The following SORCS3 variants were observed in gnomAD, a reference collection of about 807,000 sequenced individuals.
The protein encoded by SORCS3 is sortilin related VPS10 domain containing receptor 3.
A neutral mutation model predicts 146.3 loss-of-function variants in SORCS3; 57 were observed. The ratio of observed to expected loss-of-function variants is 0.39; its 90% CI spans 0.31 to 0.49. The LOEUF is 0.49. SORCS3 is among the 20% of genes least tolerant of loss of function. The pLI is 0.92. For missense variants in SORCS3, 1,341 were observed against 1,575.5 expected (o/e 0.85, Z 2.52); for synonymous variants, 653 against 618.5 (o/e 1.06, Z -0.83).
chr10:104,955,492 T>A (rs1272620176), intron 3 of SORCS3, among the ~76,000 whole-genome samples: 4 of 152,244 alleles, frequency 2.6e-5, no homozygotes, highest in Admixed American at 6.5e-5. Context: ...GGCATGCACA[T>A]ATATTTGTTT....
intron 2 of SORCS3, among the ~76,000 whole-genome samples, chr10:104,854,936 G>A (rs11816844): frequency 0.052 from 7,927 of 152,140 alleles, 630 homozygotes; most frequent in African/African-American, 0.17. Context: ...ATGAATGTAC[G>A]TCAATTTGTT....
chr10:104,875,910 T>C (rs1158249805), intron 2 of SORCS3, among the ~76,000 whole-genome samples: 1 of 152,160 alleles, frequency 6.6e-6, no homozygotes, highest in African/African-American at 2.4e-5. Flanking sequence ...AATAGCTAAA[T>C]AGACTCACAT....
At chr10:104,921,024 G>T (rs1450683556) in intron 3 of SORCS3, among the ~76,000 whole-genome samples, 3 of 152,218 alleles carry the variant, frequency 2.0e-5, no homozygotes, top group African/African-American at 7.2e-5. Flanking sequence ...ACTTGAAGAT[G>T]AGGAATAGTA....
At chr10:104,734,974 CT>C (rs1293453358) in intron 1 of SORCS3, among the ~76,000 whole-genome samples, 1 of 152,092 alleles carries the variant, frequency 6.6e-6, no homozygotes, top group African/African-American at 2.4e-5. Flanking sequence ...TTAGGTATCT[CT>C]TTTTTTAAAA....
At chr10:105,219,742 G>A (rs972137223) in intron 19 of SORCS3, among the ~76,000 whole-genome samples, 2 of 152,184 alleles carry the variant, frequency 1.3e-5, no homozygotes, top group African/African-American at 4.8e-5. Context: ...AGACAAAGAA[G>A]GAAAATGAAC....
At chr10:105,230,646 C>T (rs1360443531) in intron 20 of SORCS3, among the ~76,000 whole-genome samples, 2 of 152,174 alleles carry the variant, frequency 1.3e-5, no homozygotes, top group Admixed American at 6.5e-5. Context: ...AATAAATGCA[C>T]AGTGGCTCTG....
intron 1 of SORCS3, among the ~76,000 whole-genome samples, chr10:104,653,418 T>C (rs2015586798): frequency 6.6e-6 from 1 of 152,232 alleles, no homozygotes; most frequent in Non-Finnish European, 1.5e-5. Context: ...TTTATTTTAC[T>C]CTTGGATTAG....
chr10:104,846,323 T>C (rs559658148), intron 2 of SORCS3, among the ~76,000 whole-genome samples: 1 of 152,332 alleles, frequency 6.6e-6, no homozygotes, highest in East Asian at 1.9e-4. Context: ...GATAATGATG[T>C]ATTTTATAGT....
At chr10:104,928,268 C>T (rs927281628) in intron 3 of SORCS3, among the ~76,000 whole-genome samples, 3 of 152,136 alleles carry the variant, frequency 2.0e-5, no homozygotes, top group African/African-American at 2.4e-5. Context: ...TGGCGACCAG[C>T]CTCTCAGACT....
At chr10:105,258,928 G>A (rs866495104) in intron 25 of SORCS3, among the ~76,000 whole-genome samples, 1 of 152,102 alleles carries the variant, frequency 6.6e-6, no homozygotes, top group South Asian at 2.1e-4. Context: ...CCTTTTCCTG[G>A]AAGTTTTACT....
chr10:104,955,681 A>G (rs2019481951), intron 3 of SORCS3, among the ~76,000 whole-genome samples: 1 of 152,150 alleles, frequency 6.6e-6, no homozygotes. Flanking sequence ...GGAGATGAGT[A>G]TTGCTGAATG....
At chr10:105,105,111 C>T (rs2133752960) in intron 6 of SORCS3, among the ~76,000 whole-genome samples, 1 of 152,162 alleles carries the variant, frequency 6.6e-6, no homozygotes, top group East Asian at 1.9e-4. Context: ...AGATATGTAC[C>T]TTTAAAATTC....
chr10:104,741,950 G>T (rs1270854089), intron 1 of SORCS3, among the ~76,000 whole-genome samples: 1 of 151,620 alleles, frequency 6.6e-6, no homozygotes, highest in East Asian at 1.9e-4. Flanking sequence ...GTGTTGGCAC[G>T]TATTGTCTTT....
chr10:105,016,153 A>ATTTTTTTTTTTTTTTTTT (rs1242064422), intron 4 of SORCS3, among the ~76,000 whole-genome samples: 1 of 101,440 alleles, frequency 9.9e-6, no homozygotes, highest in African/African-American at 5.2e-5. Context: ...ATATATATAT[A>ATTTTTTTTTTTTTTTTTT]TATTTTTTTT....
chr10:104,703,806 A>T (rs1277770423), intron 1 of SORCS3, among the ~76,000 whole-genome samples: 3 of 151,178 alleles, frequency 2.0e-5, no homozygotes, highest in East Asian at 3.9e-4. Context: ...GAAATCAGAG[A>T]GGTTTTCGAC....
intron 6 of SORCS3, among the ~76,000 whole-genome samples, chr10:105,092,231 A>T (rs1366616109): frequency 6.6e-6 from 1 of 152,256 alleles, no homozygotes; most frequent in Non-Finnish European, 1.5e-5. Flanking sequence ...CACTTAGAAC[A>T]GTTTCTGGCC....
intron 7 of SORCS3, among the ~76,000 whole-genome samples, chr10:105,135,856 G>A (rs2225575): frequency 0.48 from 73,611 of 151,878 alleles, 18,370 homozygotes; most frequent in Non-Finnish European, 0.54. Context: ...TACCTTTACC[G>A]TCTATATTTC....
At chr10:104,770,269 GTT>G (rs1003577516) in intron 1 of SORCS3, among the ~76,000 whole-genome samples, 2 of 152,122 alleles carry the variant, frequency 1.3e-5, no homozygotes, top group African/African-American at 4.8e-5. Flanking sequence ...CTGAATAAAG[GTT>G]TTGGGAAACC....
intron 14 of SORCS3, among the ~76,000 whole-genome samples, chr10:105,194,830 C>T (rs1165718703): frequency 6.6e-6 from 1 of 152,076 alleles, no homozygotes. Context: ...GTCCTGGGGC[C>T]AGCAACATCA....
Sources: allele counts gnomAD v4.1 joint callset (sites outside exome capture counted in the v4.1 genomes callset), GRCh38; gene constraint gnomAD v4.1.1; transcripts MANE v1.5; gene names NCBI Gene and HGNC (gene_info 2026-07-23, HGNC 2026-07-21).